PAX3: variants seen among roughly 807,000 people sequenced by gnomAD.
The protein encoded by PAX3 is paired box 3, also known as paired box protein Pax-3.
A neutral mutation model predicts 51.6 loss-of-function variants in PAX3; 14 were observed. The observed-to-expected ratio is 0.27, with a 90% CI of 0.18 to 0.42. PAX3 has a LOEUF of 0.42. PAX3 is among the 10% of genes least tolerant of loss of function. The pLI, the probability that PAX3 is intolerant of heterozygous loss-of-function variation, is 1.00. For missense variants in PAX3, 540 were observed against 642.8 expected (o/e 0.84, Z 1.73); for synonymous variants, 280 against 253.4 (o/e 1.11, Z -1.00).
chr2:222,246,598 T>C (rs1693238243), intron 4 of PAX3, among the ~76,000 whole-genome samples: 1 of 152,142 alleles, frequency 6.6e-6, no homozygotes. Flanking sequence ...GATGGATGGA[T>C]GGATGGATGG....
chr2:222,262,470 C>T lies in PAX3; in HGVS notation c.587-30187G>A, dbSNP rs192387252. 47 of 152,182 alleles carry T rather than the reference C, an allele frequency of 3.1e-4. No individual in the cohort carries two copies. The East Asian group carries it at 8.5e-3, about 28-fold the overall frequency. 9.4% of individuals were successfully genotyped at this position (152,182 alleles called of 1,614,324 possible). ...GAAAAATTTATAATAAAATGACATC[C>T]TCAGTTTGGCAGATAATTTTATTAA... On this transcript the variant is annotated intron_variant, in intron 4 of 8. Transcript: ENST00000392070.
chr2:222,201,298 ACCC>A lies in PAX3; in HGVS notation c.*107_*109del. The A allele has an allele frequency of 3.1e-6, 5 of 1,598,074 alleles. 1 individual carries two copies. The South Asian group carries it at 5.5e-5, about 18-fold the overall frequency. On this transcript the variant is annotated 3_prime_UTR_variant, in exon 9 of 9. Transcript: ENST00000392070. ...TGTCTCCTATTGGGACCACTGCCCC[ACCC>A]CCCCCAACAAAAGGGTAATTTTTTT...
chr2:222,279,330 T>TGTGC (rs372245266), intron 4 of PAX3, among the ~76,000 whole-genome samples: 3,665 of 149,768 alleles, frequency 0.024, 309 homozygotes, highest in Admixed American at 0.18. Flanking sequence ...TGTGTGTGTG[T>TGTGC]GGTGTAGTAG....
Position 222,201,258 on chromosome 2 carries a change from T to C in PAX3, c.*150A>G. On this transcript the variant is annotated 3_prime_UTR_variant, in exon 9 of 9. Coordinates refer to ENST00000392070, the MANE Select transcript of PAX3 (RefSeq NM_181458.4). ...GAAACCAACTATTGGAGGAAGAAAA[T>C]CAATCACTCTCCTTTGTCTCCTATT... The C allele has an allele frequency of 6.2e-7, 1 of 1,613,850 alleles. No individual in the cohort carries two copies. Among genetic ancestry groups the C allele is most frequent in the African/African-American group, 1.3e-5 (1 of 74,946 alleles).
At chr2:222,216,705 AACACACACAC>A (rs71407982) in intron 7 of PAX3, among the ~76,000 whole-genome samples, 1 of 149,908 alleles carries the variant, frequency 6.7e-6, no homozygotes, top group African/African-American at 2.5e-5. Context: ...CACATACACA[AACACACACAC>A]ACACACACAC....
intron 4 of PAX3, among the ~76,000 whole-genome samples, chr2:222,289,836 T>G (rs1351041157): frequency 6.6e-6 from 1 of 152,216 alleles, no homozygotes; most frequent in African/African-American, 2.4e-5. Context: ...CAATATTTTT[T>G]AAATGGATGA....
intron 4 of PAX3, among the ~76,000 whole-genome samples, chr2:222,245,159 G>T (rs562271018): frequency 6.6e-6 from 1 of 152,102 alleles, no homozygotes; most frequent in African/African-American, 2.4e-5. Context: ...AAAAGAAAAA[G>T]AAAAGAAATA....
rs2855268 is a variant in PAX3, at chr2:222,202,200, C to G, written c.1174-10G>C. The stretch of plus-strand genomic sequence containing the variant: ...TCAGGAGTCCCATTACCTAAAAAAA[C>G]AGCCAGATTGGGAAGAGGTTAAAAT... On this transcript the variant is annotated splice_polypyrimidine_tract_variant and intron_variant, in intron 7 of 8. Transcript: ENST00000392070. 0.13 allele frequency: 202,086 copies of G among 1,566,748 alleles called. 14,235 individuals are homozygous for G. The highest frequency in any genetic ancestry group is 0.18 in the Middle Eastern group (1,021 of 5,646).
At chr2:222,203,825 A>G (rs898460379) in intron 7 of PAX3, among the ~76,000 whole-genome samples, 2 of 152,152 alleles carry the variant, frequency 1.3e-5, no homozygotes, top group African/African-American at 4.8e-5. Context: ...AGAAAAAGAG[A>G]TCCACCTTCT....
rs45537932 is a variant in PAX3, at chr2:222,295,317, G to T, written c.451+211C>A. Among the ~76,000 whole-genome samples, 456 of 152,282 alleles carry T rather than the reference G, an allele frequency of 3.0e-3. 4 individuals are homozygous for T. The highest frequency in any genetic ancestry group is 0.011 in the African/African-American group (438 of 41,556). ...TCTTCTTTGGGGCGTCCTCAGCGGT[G>T]GTCTCGCCACCCTCCGTCCCCAGGA... is the stretch of plus-strand genomic sequence containing the variant. On this transcript the variant is annotated intron_variant, in intron 3 of 8. Coordinates refer to ENST00000392070, the MANE Select transcript of PAX3 (RefSeq NM_181458.4).
At chr2:222,226,212 T>G (rs922956967) in intron 5 of PAX3, among the ~76,000 whole-genome samples, 1 of 152,330 alleles carries the variant, frequency 6.6e-6, no homozygotes, top group South Asian at 2.1e-4. Context: ...AATACTAGAC[T>G]CAGGATGTCG....
At chr2:222,201,663 G>A (rs1691297257) in intron 8 of PAX3, 3 of 1,380,922 alleles carry the variant, frequency 2.2e-6, no homozygotes, top group Non-Finnish European at 2.9e-6. Flanking sequence ...TGTTTCTAAT[G>A]TCAGGGATTA....
intron 4 of PAX3, among the ~76,000 whole-genome samples, chr2:222,274,952 G>A (rs1694367503): frequency 6.6e-6 from 1 of 152,202 alleles, no homozygotes; most frequent in South Asian, 2.1e-4. Context: ...ATATGGAAAA[G>A]GGAGTCAATA....
chr2:222,296,124 T>G (rs1695281164), intron 2 of PAX3, among the ~76,000 whole-genome samples: 1 of 152,240 alleles, frequency 6.6e-6, no homozygotes, highest in Non-Finnish European at 1.5e-5. Context: ...GGTATGTATT[T>G]GGGTTTTTAA....
intron 4 of PAX3, among the ~76,000 whole-genome samples, chr2:222,261,519 T>C (rs1209099068): frequency 6.6e-6 from 1 of 151,654 alleles, no homozygotes; most frequent in Non-Finnish European, 1.5e-5. Flanking sequence ...ACGAAGAAGA[T>C]TGTAATATTT....
At chr2:222,212,296 G>A (rs1691769728) in intron 7 of PAX3, among the ~76,000 whole-genome samples, 1 of 152,104 alleles carries the variant, frequency 6.6e-6, no homozygotes, top group Non-Finnish European at 1.5e-5. Context: ...GAAAAAAGAA[G>A]AGTTACTTCT....
chr2:222,278,303 C>T (rs749536033), intron 4 of PAX3, among the ~76,000 whole-genome samples: 2 of 152,108 alleles, frequency 1.3e-5, no homozygotes, highest in Non-Finnish European at 2.9e-5. Flanking sequence ...CCCCCAGCCA[C>T]AGCTAGTAGA....
intron 5 of PAX3, among the ~76,000 whole-genome samples, chr2:222,229,074 C>T (rs1372327084): frequency 1.3e-5 from 2 of 152,062 alleles, no homozygotes; most frequent in Admixed American, 6.6e-5. Context: ...ATAACATTTG[C>T]AGGTAATTGC....
rs142740645 is a variant in PAX3, at chr2:222,227,948, A to G, written c.792+4130T>C. Reference sequence around the variant, plus strand: ...GAAATATTTTTCCTCAGGAGAAAAAAAATGAAATGTAGACATGATTTGGGG... The same window carrying G: ...GAAATATTTTTCCTCAGGAGAAAAAGAATGAAATGTAGACATGATTTGGGG... On this transcript the variant is annotated intron_variant, in intron 5 of 8. Transcript: ENST00000392070. Among the ~76,000 whole-genome samples the G allele has an allele frequency of 6.0e-3, 917 of 152,262 alleles. 11 individuals carry two copies. The highest frequency in any genetic ancestry group is 0.051 in the Middle Eastern group (15 of 294).
Sources: allele counts gnomAD v4.1 joint callset (sites outside exome capture counted in the v4.1 genomes callset), GRCh38; gene constraint gnomAD v4.1.1; transcripts MANE v1.5; gene names NCBI Gene and HGNC (gene_info 2026-07-23, HGNC 2026-07-21).